Variants in FSTL5 observed in about 807,000 individuals in gnomAD.
FSTL5 encodes follistatin like 5, also known as follistatin-related protein 5.
In FSTL5, 62 loss-of-function variants were observed where a neutral mutation model predicts 89.1. The observed-to-expected ratio is 0.70, with a 90% CI of 0.57 to 0.86. The LOEUF (loss-of-function observed/expected upper bound fraction) is 0.86. FSTL5 is among the 40% of genes least tolerant of loss of function. The pLI, the probability that FSTL5 is intolerant of heterozygous loss-of-function variation, is 0.00. For missense variants in FSTL5, 1,057 were observed against 1,001.6 expected (o/e 1.06, Z -0.75); for synonymous variants, 383 against 346.2 (o/e 1.11, Z -1.18).
chr4:161,617,211 G>A (rs1215912911), intron 7 of FSTL5, among the ~76,000 whole-genome samples: 1 of 151,808 alleles, frequency 6.6e-6, no homozygotes, highest in East Asian at 1.9e-4. Context: ...ATAAATTCTG[G>A]AGCTTAAAAG....
intron 3 of FSTL5, among the ~76,000 whole-genome samples, chr4:161,977,356 T>C (rs921743555): frequency 6.6e-6 from 1 of 152,048 alleles, no homozygotes; most frequent in Non-Finnish European, 1.5e-5. Flanking sequence ...CTCACGCCTG[T>C]AATCCCAGCA....
intron 4 of FSTL5, among the ~76,000 whole-genome samples, chr4:161,839,230 A>C (rs1731138415): frequency 6.6e-6 from 1 of 152,126 alleles, no homozygotes; most frequent in Non-Finnish European, 1.5e-5. Flanking sequence ...ATAATTTAAA[A>C]GTCAAAAGTT....
intron 4 of FSTL5, among the ~76,000 whole-genome samples, chr4:161,859,222 G>A (rs759402014): frequency 6.6e-6 from 1 of 152,130 alleles, no homozygotes; most frequent in Non-Finnish European, 1.5e-5. Context: ...TATCTTAGAG[G>A]AATAGATGGG....
intron 10 of FSTL5, among the ~76,000 whole-genome samples, chr4:161,516,648 A>G (rs1466770626): frequency 2.7e-5 from 1 of 36,572 alleles, no homozygotes. Flanking sequence ...TATATTTTAT[A>G]TAATAAATTA....
At chr4:161,749,223 G>T (rs551290058) in intron 6 of FSTL5, among the ~76,000 whole-genome samples, 2 of 152,216 alleles carry the variant, frequency 1.3e-5, no homozygotes, top group South Asian at 2.1e-4. Flanking sequence ...AAAGACACCT[G>T]CATTCCTATG....
intron 15 of FSTL5, among the ~76,000 whole-genome samples, chr4:161,444,692 G>A (rs1018572538): frequency 1.1e-5 from 1 of 95,178 alleles, no homozygotes; most frequent in African/African-American, 4.0e-5. Context: ...GAGGAGTTGA[G>A]TTTTGTTGTA....
intron 6 of FSTL5, among the ~76,000 whole-genome samples, chr4:161,693,700 G>A (rs75346183): frequency 0.07 from 10,365 of 147,664 alleles, 439 homozygotes; most frequent in East Asian, 0.18. Flanking sequence ...GTGCAGTGGC[G>A]CGATCTCAGC....
intron 1 of FSTL5, among the ~76,000 whole-genome samples, chr4:162,141,212 G>C: frequency 1.3e-5 from 1 of 79,834 alleles, no homozygotes; most frequent in South Asian, 4.1e-4. Flanking sequence ...CGCCTCCCGG[G>C]TTCACGCCAT....
chr4:161,836,948 G>A (rs1428829164), intron 4 of FSTL5, among the ~76,000 whole-genome samples: 1 of 152,060 alleles, frequency 6.6e-6, no homozygotes, highest in African/African-American at 2.4e-5. Context: ...TTTGTGAAAT[G>A]GTAATGAGTC....
At chr4:161,593,233 A>G (rs1027345995) in intron 7 of FSTL5, among the ~76,000 whole-genome samples, 25 of 152,182 alleles carry the variant, frequency 1.6e-4, no homozygotes, top group Admixed American at 1.5e-3. Context: ...TTCCCTCTGA[A>G]TTGTGATTTT....
intron 6 of FSTL5, among the ~76,000 whole-genome samples, chr4:161,715,525 A>C (rs1333202105): frequency 2.0e-5 from 3 of 152,096 alleles, no homozygotes; most frequent in Admixed American, 2.0e-4. Context: ...CTCACATCTG[A>C]GAATAAGCAT....
intron 8 of FSTL5, among the ~76,000 whole-genome samples, chr4:161,567,473 T>A (rs997660159): frequency 6.6e-6 from 1 of 152,152 alleles, no homozygotes. Flanking sequence ...TTAGTCATTA[T>A]ACTGTTTTTT....
chr4:161,775,788 AT>A (rs557258295), intron 5 of FSTL5, 89 bp downstream of exon 5: 1 of 670,280 alleles, frequency 1.5e-6, no homozygotes, highest in Non-Finnish European at 2.3e-6. Context: ...TCAAATATAC[AT>A]TTTTTCATTA....
At chr4:161,747,718 G>A (rs1740248957) in intron 6 of FSTL5, among the ~76,000 whole-genome samples, 1 of 152,150 alleles carries the variant, frequency 6.6e-6, no homozygotes, top group South Asian at 2.1e-4. Flanking sequence ...CCACTAGGAA[G>A]GACACATTTT....
intron 4 of FSTL5, among the ~76,000 whole-genome samples, chr4:161,810,265 T>C (rs1163788092): frequency 6.6e-6 from 1 of 152,144 alleles, no homozygotes; most frequent in African/African-American, 2.4e-5. Context: ...ATGAAGTATA[T>C]AGCCTAAGTT....
chr4:161,436,278 G>GT (rs1417035231), intron 15 of FSTL5, among the ~76,000 whole-genome samples: 1 of 152,054 alleles, frequency 6.6e-6, no homozygotes, highest in Non-Finnish European at 1.5e-5. Context: ...ATCTAAACAC[G>GT]TTTTTCTTCC....
At chr4:162,129,119 G>C (rs1218785281) in intron 1 of FSTL5, among the ~76,000 whole-genome samples, 1 of 152,184 alleles carries the variant, frequency 6.6e-6, no homozygotes, top group East Asian at 1.9e-4. Flanking sequence ...ATTTAGTAGA[G>C]ACAGGGTTTC....
At position 161,656,441 on chromosome 4, in the gene FSTL5, T is replaced by C. The variant is rs201131376; in HGVS notation, c.781A>G (p.Thr261Ala). 6.2e-7 allele frequency: 1 copy of C among 1,608,760 alleles called. No homozygotes were observed. Among genetic ancestry groups the C allele is most frequent in the East Asian group, 2.2e-5 (1 of 44,590 alleles). The change falls in exon 7 of 16, where the codon ACT (threonine) becomes GCT (alanine). Residue 261 changes from threonine to alanine, a missense_variant. Physicochemically the swap from Thr to Ala is moderately conservative, Grantham distance 58. Around this residue, in one of 3 missense-constraint regions of FSTL5, gnomAD observed 980 missense variants for 903.2 expected, o/e 1.08. Transcript: ENST00000306100. ...CTCAGAACAGCACTTTGTCCCACAG[T>C]TGCTGCAGTGATGCTTAGTTTCTGA... ...EDQKLSITAA[T>A]VGQSAVLSCA...
At chr4:162,084,915 A>G (rs997651453) in intron 2 of FSTL5, among the ~76,000 whole-genome samples, 2 of 152,132 alleles carry the variant, frequency 1.3e-5, no homozygotes, top group African/African-American at 4.8e-5. Flanking sequence ...CAGAACTTAA[A>G]GTATAATAGA....
Sources: gnomAD v4.1 joint callset for allele counts (sites outside exome capture counted in the v4.1 genomes callset) on GRCh38, gnomAD v4.1.1 for gene constraint, gnomAD v4.1.1 regional missense constraint, MANE v1.5 for transcripts, NCBI Gene and HGNC (gene_info 2026-07-23, HGNC 2026-07-21) for gene names.